FHIT: variants seen among roughly 807,000 people sequenced by gnomAD.
FHIT encodes bis(5'-adenosyl)-triphosphatase.
A neutral mutation model predicts 17.9 loss-of-function variants in FHIT; 19 were observed. The observed-to-expected ratio is 1.06, with a 90% CI of 0.74 to 1.56. The LOEUF is 1.56. FHIT is among the 40% of genes most tolerant of loss of function. The pLI, the probability that FHIT is intolerant of heterozygous loss-of-function variation, is 0.00. For missense variants in FHIT, 248 were observed against 189.2 expected (o/e 1.31, Z -1.82); for synonymous variants, 81 against 69.7 (o/e 1.16, Z -0.81).
chr3:60,324,340 C>T (rs1027081684), intron 5 of FHIT, among the ~76,000 whole-genome samples: 5 of 280 alleles, frequency 0.018, no homozygotes, highest in Non-Finnish European at 0.04. Flanking sequence ...AATCCCAGAA[C>T]TTTGGAGGCT....
At chr3:59,790,514 C>T (rs891885209) in intron 8 of FHIT, among the ~76,000 whole-genome samples, 10 of 136,730 alleles carry the variant, frequency 7.3e-5, no homozygotes, top group African/African-American at 1.2e-4. Flanking sequence ...CTTTCTCTCT[C>T]TCTCTCTCTC....
chr3:60,499,092 C>T, intron 5 of FHIT, among the ~76,000 whole-genome samples: 1 of 152,006 alleles, frequency 6.6e-6, no homozygotes, highest in South Asian at 2.1e-4. Flanking sequence ...CATGAGTGAC[C>T]AAGGAGTTGA....
chr3:60,792,981 G>C (rs57869468), intron 4 of FHIT, among the ~76,000 whole-genome samples: 1 of 152,236 alleles, frequency 6.6e-6, no homozygotes, highest in South Asian at 2.1e-4. Flanking sequence ...CTGTGATGAA[G>C]ATGGTGGGCA....
Position 60,965,471 on chromosome 3 carries a change from C to G in FHIT, c.-111+76576G>C, listed in dbSNP as rs374282725. Reference sequence around the variant, plus strand: ...GTCATTCTCCATCCAGCTTTGTTCCCTTGCTGGCGAGGAGCTAGGTTCCTT... The same window carrying G: ...GTCATTCTCCATCCAGCTTTGTTCCGTTGCTGGCGAGGAGCTAGGTTCCTT... On this transcript the variant is annotated intron_variant, in intron 3 of 9. Coordinates refer to ENST00000492590, the MANE Select transcript of FHIT (RefSeq NM_002012.4). Among the ~76,000 whole-genome samples, 643 of 152,320 alleles carry G rather than the reference C, an allele frequency of 4.2e-3. 2 individuals are homozygous for G. Among genetic ancestry groups the G allele is most frequent in the African/African-American group, 0.014 (601 of 41,572 alleles).
intron 5 of FHIT, among the ~76,000 whole-genome samples, chr3:60,437,603 T>TC (rs1163958039): frequency 6.6e-6 from 1 of 152,106 alleles, no homozygotes; most frequent in East Asian, 1.9e-4. Flanking sequence ...AGCTGGGTGT[T>TC]CTTTTTAATA....
intron 8 of FHIT, among the ~76,000 whole-genome samples, chr3:59,888,475 T>A (rs759642307): frequency 6.6e-6 from 1 of 152,212 alleles, no homozygotes; most frequent in Non-Finnish European, 1.5e-5. Context: ...ATAAGCACAA[T>A]TGTATTCATT....
At chr3:60,029,314 G>T (rs1390182986) in intron 5 of FHIT, among the ~76,000 whole-genome samples, 1 of 152,132 alleles carries the variant, frequency 6.6e-6, no homozygotes, top group Non-Finnish European at 1.5e-5. Context: ...TATAAGATGA[G>T]GGGTACTTGT....
At chr3:60,312,908 T>C (rs892480210) in intron 5 of FHIT, among the ~76,000 whole-genome samples, 2 of 152,206 alleles carry the variant, frequency 1.3e-5, no homozygotes, top group African/African-American at 2.4e-5. Context: ...AATGTGCTAA[T>C]TGTGATGGTA....
At position 59,997,022 on chromosome 3, in the gene FHIT, T is replaced by C. The variant is rs373294946; in HGVS notation, c.279+14349A>G. On this transcript the variant is annotated intron_variant, in intron 7 of 9. Coordinates refer to ENST00000492590, the MANE Select transcript of FHIT (RefSeq NM_002012.4). The stretch of plus-strand genomic sequence containing the variant: ...AAGAATGTCCAGACCTGAGGCTCTA[T>C]ACTTGGTGAAACCATGCTCATGTTC... Among the ~76,000 whole-genome samples, 21 of 152,300 alleles carry C rather than the reference T, an allele frequency of 1.4e-4. No individual in the cohort carries two copies. In the East Asian group the frequency reaches 3.1e-3, roughly 22 times the overall value.
chr3:60,094,901 CA>C (rs1283069720), intron 5 of FHIT, among the ~76,000 whole-genome samples: 1 of 152,012 alleles, frequency 6.6e-6, no homozygotes, highest in East Asian at 1.9e-4. Flanking sequence ...TTAAGTTTAG[CA>C]AATGATTATG....
intron 4 of FHIT, among the ~76,000 whole-genome samples, chr3:60,803,881 T>C (rs2106678427): frequency 6.6e-6 from 1 of 151,696 alleles, no homozygotes; most frequent in East Asian, 1.9e-4. Context: ...GTTAGCAAAA[T>C]CCAAATTAGC....
chr3:60,546,956 T>C (rs2036387982), intron 4 of FHIT, among the ~76,000 whole-genome samples: 2 of 152,178 alleles, frequency 1.3e-5, no homozygotes, highest in African/African-American at 2.4e-5. Context: ...AGTACACCTA[T>C]TTCTTCAAGT....
At chr3:60,080,349 A>T (rs993243594) in intron 5 of FHIT, among the ~76,000 whole-genome samples, 1 of 152,158 alleles carries the variant, frequency 6.6e-6, no homozygotes, top group African/African-American at 2.4e-5. Context: ...ACAAGTTCAG[A>T]TTTAATAGAA....
chr3:60,721,122 T>TA lies in FHIT; in HGVS notation c.-18+100796dup, dbSNP rs36089312. ...TGTGGGAGCAATTAATTCCTACTGC[T>TA]AAAAAAAAAGGTGAGAACTCCTGAG... is the stretch of plus-strand genomic sequence containing the variant. On this transcript the variant is annotated intron_variant, in intron 4 of 9. Transcript: ENST00000492590. Among the ~76,000 whole-genome samples the TA allele has an allele frequency of 4.7e-5, 7 of 150,176 alleles. No homozygotes were observed. In the East Asian group the frequency reaches 5.9e-4, roughly 13 times the overall value.
At chr3:60,695,485 A>C (rs1217121102) in intron 4 of FHIT, among the ~76,000 whole-genome samples, 4 of 152,244 alleles carry the variant, frequency 2.6e-5, no homozygotes, top group Non-Finnish European at 5.9e-5. Context: ...TCCAAAGTCA[A>C]ACTGTGAGGG....
chr3:60,854,934 G>C (rs919165979), intron 3 of FHIT, among the ~76,000 whole-genome samples: 1 of 152,122 alleles, frequency 6.6e-6, no homozygotes, highest in Non-Finnish European at 1.5e-5. Flanking sequence ...TATTTGTGGT[G>C]AGCAGACATG....
chr3:60,795,349 TTA>T (rs1700941383), intron 4 of FHIT, among the ~76,000 whole-genome samples: 1 of 152,192 alleles, frequency 6.6e-6, no homozygotes, highest in South Asian at 2.1e-4. Context: ...TTTTCCGATG[TTA>T]TTAAAGTTCT....
chr3:60,208,406 G>A (rs1163340907), intron 5 of FHIT, among the ~76,000 whole-genome samples: 1 of 152,180 alleles, frequency 6.6e-6, no homozygotes, highest in Non-Finnish European at 1.5e-5. Flanking sequence ...TCTGAAATTA[G>A]ATATTGACAT....
chr3:60,746,480 A>G (rs1180047226), intron 4 of FHIT, among the ~76,000 whole-genome samples: 2 of 152,216 alleles, frequency 1.3e-5, no homozygotes, highest in East Asian at 1.9e-4. Context: ...ACAATGCTTC[A>G]TTCATTCCTT....
Sources: allele counts gnomAD v4.1 joint callset (sites outside exome capture counted in the v4.1 genomes callset), GRCh38; gene constraint gnomAD v4.1.1; transcripts MANE v1.5; gene names NCBI Gene and HGNC (gene_info 2026-07-23, HGNC 2026-07-21).